The following SSH2 variants were observed in gnomAD, a reference collection of about 807,000 sequenced individuals.
SSH2 encodes the protein slingshot protein phosphatase 2.
A neutral mutation model predicts 135.2 loss-of-function variants in SSH2; 37 were observed. That is an observed-to-expected ratio of 0.27 (90% CI 0.21 to 0.36). The LOEUF (loss-of-function observed/expected upper bound fraction) is 0.36. SSH2 is among the 10% of genes least tolerant of loss of function. The pLI is 1.00. For synonymous variants in SSH2, 628 were observed against 646.2 expected, an observed-to-expected ratio of 0.97 and a Z score of 0.43; for missense variants, 1,408 against 1,765.3, an observed-to-expected ratio of 0.80 and a Z score of 3.63.
intron 5 of SSH2, among the ~76,000 whole-genome samples, chr17:29,691,097 A>G (rs1380913543): frequency 6.9e-6 from 1 of 145,234 alleles, no homozygotes; most frequent in African/African-American, 2.8e-5. Context: ...TGTTTGGGAG[A>G]AAAAAAAACC....
intron 2 of SSH2, among the ~76,000 whole-genome samples, chr17:29,834,976 A>G (rs1037661363): frequency 6.6e-6 from 1 of 152,174 alleles, no homozygotes; most frequent in Non-Finnish European, 1.5e-5. Flanking sequence ...AATATTCAAG[A>G]GTTAGATTTC....
chr17:29,757,057 G>A (rs150936818), intron 3 of SSH2, among the ~76,000 whole-genome samples: 50 of 152,194 alleles, frequency 3.3e-4, no homozygotes, highest in African/African-American at 1.1e-3. Flanking sequence ...AGAACCACTG[G>A]GCTAAGTGTA....
At chr17:29,800,797 G>T (rs1007363304) in intron 2 of SSH2, among the ~76,000 whole-genome samples, 2 of 151,236 alleles carry the variant, frequency 1.3e-5, no homozygotes, top group South Asian at 4.2e-4. Flanking sequence ...AGAAAAAATT[G>T]ACCTAGAAAC....
At chr17:29,758,219 T>C (rs76542419) in intron 3 of SSH2, among the ~76,000 whole-genome samples, 7,741 of 152,242 alleles carry the variant, frequency 0.051, 634 homozygotes, top group African/African-American at 0.17. Context: ...AGATAATTCC[T>C]CAGACTGCCA....
At position 29,636,020 on chromosome 17, in the gene SSH2, C is replaced by T; in HGVS notation, c.2210G>A (p.Ser737Asn). 2 of 1,614,178 alleles carry T rather than the reference C, an allele frequency of 1.2e-6. No individual in the cohort carries two copies. Among genetic ancestry groups the T allele is most frequent in the East Asian group, 4.5e-5 (2 of 44,876 alleles). ...TTCTTCTGATGCATGGGGAGTATTA[C>T]TCAAAGAGCTGCTTCTCTGGTCATC... is the stretch of plus-strand genomic sequence containing the variant. ...TADDQRSSSLSNTPHASEESS... is the reference protein window; with the variant it reads ...TADDQRSSSLNNTPHASEESS... Residue 737 changes from serine (S) to asparagine (N), a missense_variant, in exon 15 of 16, where the codon AGT (serine) becomes AAT (asparagine). Transcript: ENST00000540801.
intron 1 of SSH2, among the ~76,000 whole-genome samples, chr17:29,904,109 C>T (rs1235338485): frequency 6.6e-6 from 1 of 152,080 alleles, no homozygotes; most frequent in African/African-American, 2.4e-5. Flanking sequence ...TGAAACTATT[C>T]CAAAAAATTG....
intron 2 of SSH2, among the ~76,000 whole-genome samples, chr17:29,842,623 TTTCTCA>T (rs1204083685): frequency 2.0e-5 from 3 of 152,212 alleles, no homozygotes; most frequent in Non-Finnish European, 2.9e-5. Flanking sequence ...AAGAAAATTA[TTTCTCA>T]TAATAATTAT....
At chr17:29,696,383 ATATT>A (rs1464805871) in intron 4 of SSH2, among the ~76,000 whole-genome samples, 20 of 148,072 alleles carry the variant, frequency 1.4e-4, no homozygotes, top group African/African-American at 4.9e-4. Flanking sequence ...ATATAAATAT[ATATT>A]TATATTTATA....
At chr17:29,753,138 T>C (rs1016684819) in intron 3 of SSH2, among the ~76,000 whole-genome samples, 51 of 152,226 alleles carry the variant, frequency 3.4e-4, no homozygotes, top group Admixed American at 8.5e-4. Flanking sequence ...TCTGCCTTTT[T>C]TAAATTTTTT....
At chr17:29,815,283 C>T (rs906998188) in intron 2 of SSH2, among the ~76,000 whole-genome samples, 2 of 152,142 alleles carry the variant, frequency 1.3e-5, no homozygotes, top group Non-Finnish European at 2.9e-5. Flanking sequence ...GCCACCACAC[C>T]CAGCTAACTT....
intron 3 of SSH2, among the ~76,000 whole-genome samples, chr17:29,766,095 T>C (rs114853573): frequency 2.1e-4 from 32 of 150,052 alleles, no homozygotes; most frequent in African/African-American, 6.6e-4. Flanking sequence ...TTATTATTAT[T>C]ATCATCATCA....
At chr17:29,739,354 G>C (rs1378639834) in intron 3 of SSH2, among the ~76,000 whole-genome samples, 2 of 152,086 alleles carry the variant, frequency 1.3e-5, no homozygotes, top group African/African-American at 4.8e-5. Context: ...TGAAATTCTT[G>C]TTTCTCAACA....
chr17:29,696,172 T>TACACACAC (rs1202149185), intron 4 of SSH2, among the ~76,000 whole-genome samples: 9 of 116,634 alleles, frequency 7.7e-5, no homozygotes, highest in African/African-American at 2.8e-4. Flanking sequence ...TATGTATATA[T>TACACACAC]ATACACACAC....
rs780258976 is a variant in SSH2, at chr17:29,672,175, C to G, written c.615-46G>C. 5.3e-6 allele frequency: 8 copies of G among 1,497,880 alleles called. No homozygotes were observed. In the Admixed American group the frequency reaches 1.5e-4, roughly 27 times the overall value. 92.8% of individuals were successfully genotyped at this position (1,497,880 alleles called of 1,614,324 possible). A position where few individuals can be genotyped will look rare whatever the true frequency, so the allele number is the denominator to read the frequency against. On this transcript the variant is annotated intron_variant, in intron 8 of 15. Transcript: ENST00000540801. The stretch of plus-strand genomic sequence containing the variant: ...TGAGCACCATAGAACTGTGGGGTGC[C>G]AAAGGCCAATAACCTGTGTACTCCA...
chr17:29,798,406 C>T (rs573276358), intron 2 of SSH2, among the ~76,000 whole-genome samples: 3 of 152,230 alleles, frequency 2.0e-5, no homozygotes, highest in South Asian at 2.1e-4. Flanking sequence ...ATCTGCCCAC[C>T]TCAGCCTCCC....
chr17:29,917,011 T>C (rs552585761), intron 1 of SSH2, among the ~76,000 whole-genome samples: 7 of 150,468 alleles, frequency 4.7e-5, no homozygotes, highest in Non-Finnish European at 1.0e-4. Context: ...CTGATCTGTC[T>C]GTAGCAGTAA....
chr17:29,887,703 A>G (rs577804555), intron 1 of SSH2, among the ~76,000 whole-genome samples: 1 of 152,334 alleles, frequency 6.6e-6, no homozygotes, highest in East Asian at 1.9e-4. Context: ...TTCTCTTTGA[A>G]GAGCAGAAAC....
intron 3 of SSH2, among the ~76,000 whole-genome samples, chr17:29,727,111 G>C (rs1207531353): frequency 6.6e-6 from 1 of 152,174 alleles, no homozygotes; most frequent in African/African-American, 2.4e-5. Context: ...TTACACAAAG[G>C]ACTTCCTTCC....
chr17:29,674,184 A>C (rs1306441826), intron 8 of SSH2: 1 of 456,420 alleles, frequency 2.2e-6, no homozygotes, highest in Admixed American at 2.4e-5. Flanking sequence ...TTAAGAAAAC[A>C]AATTTAAACC....
Sources: allele counts gnomAD v4.1 joint callset (sites outside exome capture counted in the v4.1 genomes callset), GRCh38; gene constraint gnomAD v4.1.1; transcripts MANE v1.5; gene names NCBI Gene and HGNC (gene_info 2026-07-23, HGNC 2026-07-21).